The following PRRC2C variants were observed in gnomAD, a reference collection of about 807,000 sequenced individuals.
The protein encoded by PRRC2C is protein PRRC2C.
In PRRC2C, 72 loss-of-function variants were observed where a neutral mutation model predicts 317.2. The ratio of observed to expected loss-of-function variants is 0.23; its 90% CI spans 0.19 to 0.28. The LOEUF (loss-of-function observed/expected upper bound fraction) is 0.28. PRRC2C is among the 10% of genes least tolerant of loss of function. PRRC2C has a pLI of 1.00. For synonymous variants in PRRC2C, 1,296 were observed against 1,205.9 expected (o/e 1.07, Z -1.55); for missense variants, 3,074 against 3,459.7 (o/e 0.89, Z 2.80).
chr1:171,528,622 T>C (rs960233979), intron 11 of PRRC2C, among the ~76,000 whole-genome samples: 2 of 152,144 alleles, frequency 1.3e-5, no homozygotes, highest in African/African-American at 4.8e-5. Flanking sequence ...TATTTATACT[T>C]ACCGTCTTTT....
Position 171,540,768 on chromosome 1 carries a change from C to T in PRRC2C, c.3302C>T (p.Pro1101Leu), listed in dbSNP as rs1336380176. 1.9e-6 allele frequency: 3 copies of T among 1,613,944 alleles called. No homozygotes were observed. The highest frequency in any genetic ancestry group is 2.5e-6 in the Non-Finnish European group (3 of 1,179,874). The change falls in exon 16 of 35, where the codon CCA becomes CTA. Residue 1101 changes from proline to leucine, a missense_variant. Physicochemically the swap from Pro to Leu is moderately conservative, Grantham distance 98 (BLOSUM62 -3). Transcript: ENST00000647382. Reference sequence around the variant, plus strand: ...GAAACTGCAACTTTGGCTCAAAAACCATCTCAGGATACTGAGAAGCCTCTG... The same window carrying T: ...GAAACTGCAACTTTGGCTCAAAAACTATCTCAGGATACTGAGAAGCCTCTG... ...STETATLAQK[P>L]SQDTEKPLEP... is the part of the protein sequence containing the mutation.
chr1:171,506,103 G>A (rs929065674), intron 1 of PRRC2C, among the ~76,000 whole-genome samples: 2 of 152,102 alleles, frequency 1.3e-5, no homozygotes, highest in African/African-American at 4.8e-5. Flanking sequence ...CACCATTTTG[G>A]CTAGACTGGT....
Position 171,590,150 on chromosome 1 carries a change from C to T in PRRC2C, c.8436+545C>T, listed in dbSNP as rs557269985. On this transcript the variant is annotated intron_variant, in intron 34 of 34. Transcript: ENST00000647382. The stretch of plus-strand genomic sequence containing the variant: ...TTATGAGTCATCAAAGTACAGTTTT[C>T]TTCTCAAACTGTTTTCATACCCTTA... Among the ~76,000 whole-genome samples the T allele has an allele frequency of 6.6e-5, 10 of 152,166 alleles. No individual in the cohort carries two copies. The East Asian group carries it at 1.7e-3, about 26-fold the overall frequency.
At position 171,523,302 on chromosome 1, in the gene PRRC2C, G is replaced by A. The variant is rs1673957211; in HGVS notation, c.915G>A (p.Lys305=). Residue 305 remains lysine (K), a synonymous_variant, in exon 8 of 35, where the codon AAG becomes AAA. Coordinates refer to ENST00000647382, the MANE Select transcript of PRRC2C (RefSeq NM_001387844.1). ...RPSILSASEL[K]ELDKFDNLDA... is the part of the protein sequence containing the mutation. ...CCATTCTTAGTGCATCAGAACTGAA[G>A]GAGCTTGATAAATTTGATAACCTAG... 6.2e-7 allele frequency: 1 copy of A among 1,613,950 alleles called. No homozygotes were observed. The highest frequency in any genetic ancestry group is 8.5e-7 in the Non-Finnish European group (1 of 1,179,868).
Position 171,541,174 on chromosome 1 carries a change from G to A in PRRC2C, c.3708G>A (p.Gly1236=). The A allele has an allele frequency of 1.2e-6, 2 of 1,613,066 alleles. No individual in the cohort carries two copies. Among genetic ancestry groups the A allele is most frequent in the Non-Finnish European group, 1.7e-6 (2 of 1,179,628 alleles). ...NKPRAEHIPS[G]PLRQREESET... ...CAAGAGCAGAGCATATACCCTCAGGGCCTCTCAGACAGCGAGAAGAAAGTG... is the reference window on the plus strand; with the variant it reads ...CAAGAGCAGAGCATATACCCTCAGGACCTCTCAGACAGCGAGAAGAAAGTG... The change falls in exon 16 of 35, where the codon GGG becomes GGA. Residue 1236 remains glycine, a synonymous_variant. Transcript: ENST00000647382. This position sits in a 1 kb window ranked among gnomAD's most constrained non-coding sequence, Gnocchi z 4.1.
intron 25 of PRRC2C, among the ~76,000 whole-genome samples, chr1:171,575,667 T>G (rs1685572279): frequency 1.3e-5 from 2 of 152,204 alleles, no homozygotes. Context: ...TTTCTTAAAT[T>G]TTTACTAGTG....
At chr1:171,566,957 G>A (rs1683774486) in intron 22 of PRRC2C, 114 bp downstream of exon 22, 2 of 1,152,340 alleles carry the variant, frequency 1.7e-6, no homozygotes, top group Non-Finnish European at 2.3e-6. Flanking sequence ...TAACTCTATA[G>A]ATTATTTCCG....
At chr1:171,489,975 A>G (rs1221474395) in intron 1 of PRRC2C, among the ~76,000 whole-genome samples, 1 of 151,954 alleles carries the variant, frequency 6.6e-6, no homozygotes, top group African/African-American at 2.4e-5. Flanking sequence ...GCTGGAGTGC[A>G]GTGGCGCTAT....
intron 17 of PRRC2C, among the ~76,000 whole-genome samples, chr1:171,549,306 A>T (rs935454216): frequency 2.6e-5 from 4 of 152,140 alleles, no homozygotes; most frequent in African/African-American, 9.7e-5. Flanking sequence ...CATTATGCTG[A>T]TACTACAGGC....
Position 171,513,015 on chromosome 1 carries a change from CAG to C in PRRC2C, c.136_137del (p.Leu47TrpfsTer14). 6.2e-7 allele frequency: 1 copy of C among 1,611,656 alleles called. No homozygotes were observed. The highest frequency in any genetic ancestry group is 8.5e-7 in the Non-Finnish European group (1 of 1,179,026). ...TTTAGTTGCAGCTCGACATGGATTACAGAGTCTTGGAAAAGTCGGTATTTCAC... is the reference window on the plus strand; with the variant it reads ...TTTAGTTGCAGCTCGACATGGATTACAGTCTTGGAAAAGTCGGTATTTCAC... ...KTTVAARHGL[Q>X]SLGKVGISRR... On this transcript the variant is annotated frameshift_variant, in exon 3 of 35. Coordinates refer to ENST00000647382, the MANE Select transcript of PRRC2C (RefSeq NM_001387844.1). LOFTEE classifies it high-confidence loss of function.
At chr1:171,586,927 G>C (rs1165135587) in intron 30 of PRRC2C, 76 bp from the exon 31 acceptor site, 1 of 1,087,104 alleles carries the variant, frequency 9.2e-7, no homozygotes, top group Non-Finnish European at 1.3e-6. Context: ...TATTTGAAGA[G>C]TTGTGTATAG....
chr1:171,582,513 C>T (rs546977587), intron 28 of PRRC2C, among the ~76,000 whole-genome samples: 21 of 152,250 alleles, frequency 1.4e-4, no homozygotes, highest in African/African-American at 5.1e-4. Flanking sequence ...ACCTAGGTGG[C>T]ATAGCCTGCA....
At chr1:171,525,789 A>G (rs527490865) in intron 10 of PRRC2C, among the ~76,000 whole-genome samples, 22 of 152,324 alleles carry the variant, frequency 1.4e-4, no homozygotes, top group Non-Finnish European at 2.9e-4. Context: ...CAGTATAGAA[A>G]GGGAATATAG....
chr1:171,574,202 TATA>T (rs753561583), intron 24 of PRRC2C, among the ~76,000 whole-genome samples: 16 of 152,256 alleles, frequency 1.1e-4, no homozygotes, highest in Non-Finnish European at 1.8e-4. Flanking sequence ...GTGTTTTAGT[TATA>T]ATATTATAAA....
At chr1:171,506,391 TA>T (rs1670227646) in intron 1 of PRRC2C, among the ~76,000 whole-genome samples, 1 of 152,220 alleles carries the variant, frequency 6.6e-6, no homozygotes, top group African/African-American at 2.4e-5. Context: ...TCATTGGTTT[TA>T]AATACTTTGA....
At position 171,577,657 on chromosome 1, in the gene PRRC2C, A is replaced by ATAT. The variant is rs1647315996; in HGVS notation, c.7159+21_7159+23dup. The ATAT allele has an allele frequency of 6.3e-7, 1 of 1,592,860 alleles. No individual in the cohort carries two copies. Among genetic ancestry groups the ATAT allele is most frequent in the Admixed American group, 1.7e-5 (1 of 59,832 alleles). On this transcript the variant is annotated intron_variant, in intron 26 of 34. Transcript: ENST00000647382. Reference sequence around the variant, plus strand: ...CAGCAGGTAATGTTTTTAGGCTTGAATATAAGGAATTTAGAAAATGAAGAC... The same window carrying ATAT: ...CAGCAGGTAATGTTTTTAGGCTTGAATATTATAAGGAATTTAGAAAATGAAGAC...
At chr1:171,569,495 TGA>T (rs1350438380) in intron 23 of PRRC2C, among the ~76,000 whole-genome samples, 1 of 148,618 alleles carries the variant, frequency 6.7e-6, no homozygotes, top group East Asian at 2.0e-4. Flanking sequence ...TTCTTGGTGT[TGA>T]GAGCTCTCTA....
chr1:171,507,487 C>T (rs999295280), intron 1 of PRRC2C, among the ~76,000 whole-genome samples: 11 of 151,944 alleles, frequency 7.2e-5, no homozygotes, highest in African/African-American at 1.9e-4. Flanking sequence ...GGCAGACGCC[C>T]GTAGTCCCAA....
Position 171,550,187 on chromosome 1 carries a change from C to A in PRRC2C, c.5074C>A (p.Gln1692Lys). Reference protein sequence around the residue: ...GFTEVVSKKQQKRLQDEERRK... With the variant: ...GFTEVVSKKQKKRLQDEERRK... ...TACTGAAGTGGTATCCAAAAAACAA[C>A]AAAAACGTTTACAGGATGAAGAACG... The change falls in exon 18 of 35, where the codon CAA becomes AAA. Residue 1692 changes from glutamine to lysine, a missense_variant. Physicochemically the swap from Gln to Lys is moderately conservative, Grantham distance 53. Transcript: ENST00000647382. 1 of 1,606,490 alleles carries A rather than the reference C, an allele frequency of 6.2e-7. No individual in the cohort carries two copies. Among genetic ancestry groups the A allele is most frequent in the Non-Finnish European group, 8.5e-7 (1 of 1,176,142 alleles).
Sources: gnomAD v4.1 joint callset for allele counts (sites outside exome capture counted in the v4.1 genomes callset) on GRCh38, gnomAD v4.1.1 for gene constraint, Gnocchi (gnomAD v3.1) non-coding constraint, MANE v1.5 for transcripts, NCBI Gene and HGNC (gene_info 2026-07-23, HGNC 2026-07-21) for gene names.